Variants in ASTN2 observed in about 807,000 individuals in gnomAD.
ASTN2 encodes the protein astrotactin 2.
Under a neutral mutation model 139.8 loss-of-function variants are expected in ASTN2, and 54 were observed. The observed-to-expected ratio is 0.39, with a 90% CI of 0.31 to 0.48. The LOEUF is 0.48. ASTN2 is among the 20% of genes least tolerant of loss of function. The probability of loss-of-function intolerance (pLI) is 0.95; values close to 1 mark genes in which losing one functional copy is unlikely to be tolerated. For synonymous variants in ASTN2, 756 were observed against 719.5 expected (o/e 1.05, Z -0.81); for missense variants, 1,565 against 1,725.1 (o/e 0.91, Z 1.64).
intron 1 of ASTN2, among the ~76,000 whole-genome samples, chr9:117,358,448 CT>C (rs1467792849): frequency 6.6e-6 from 1 of 152,132 alleles, no homozygotes; most frequent in African/African-American, 2.4e-5. Flanking sequence ...AGGTTGCAAA[CT>C]CTGATTTTGG....
intron 19 of ASTN2, among the ~76,000 whole-genome samples, chr9:116,494,426 A>G (rs1343098528): frequency 1.3e-5 from 2 of 152,112 alleles, no homozygotes; most frequent in South Asian, 2.1e-4. Flanking sequence ...AATTTGTCTG[A>G]TGGCAAAATT....
intron 10 of ASTN2, among the ~76,000 whole-genome samples, chr9:116,950,766 T>A (rs1835534608): frequency 6.6e-6 from 1 of 152,258 alleles, no homozygotes; most frequent in Middle Eastern, 3.4e-3. Context: ...GTTACTAATA[T>A]GTAAGTACCC....
chr9:116,847,296 A>G (rs1450947769), intron 11 of ASTN2, among the ~76,000 whole-genome samples: 2 of 152,044 alleles, frequency 1.3e-5, no homozygotes, highest in East Asian at 3.9e-4. Flanking sequence ...TTGTATTTTT[A>G]GTAGAGACGG....
At chr9:116,684,763 T>C (rs145923919) in intron 16 of ASTN2, among the ~76,000 whole-genome samples, 12 of 152,288 alleles carry the variant, frequency 7.9e-5, no homozygotes, top group African/African-American at 2.4e-4. Context: ...CCCATCTTCA[T>C]ACCCTACACT....
intron 19 of ASTN2, among the ~76,000 whole-genome samples, chr9:116,560,673 C>T (rs548561163): frequency 1.3e-5 from 2 of 152,262 alleles, no homozygotes; most frequent in South Asian, 2.1e-4. Context: ...ACTGCAAGTG[C>T]CATGTGGTCA....
intron 16 of ASTN2, among the ~76,000 whole-genome samples, chr9:116,712,530 A>G (rs1053865096): frequency 6.6e-6 from 1 of 152,192 alleles, no homozygotes; most frequent in Non-Finnish European, 1.5e-5. Flanking sequence ...ATGTTGACAT[A>G]TGTGAGCACT....
chr9:116,439,369 T>G (rs1395550466), intron 22 of ASTN2, among the ~76,000 whole-genome samples: 5 of 144,112 alleles, frequency 3.5e-5, no homozygotes. Context: ...CCCGGCTAAT[T>G]TTTTGTATTT....
intron 11 of ASTN2, among the ~76,000 whole-genome samples, chr9:116,843,154 G>A (rs976467192): frequency 2.0e-5 from 3 of 151,938 alleles, no homozygotes; most frequent in South Asian, 2.1e-4. Context: ...GTTCATTGTT[G>A]CCCTATTCAC....
In ASTN2 at chr9:117,297,933, A is replaced by G. The variant is rs565711567; in HGVS notation, c.443-6420T>C. On this transcript the variant is annotated intron_variant, in intron 1 of 22. Coordinates refer to ENST00000313400, the MANE Select transcript of ASTN2 (RefSeq NM_001365068.1). ...CAAGAATGCTTAAATGAAACAAATC[A>G]TATAAGTCAGCCTTCCTGGGTGCAC... 1.1e-4 allele frequency among the ~76,000 whole-genome samples: 17 copies of G among 152,350 alleles called. No individual in the cohort carries two copies. In the South Asian group the frequency reaches 3.3e-3, roughly 30 times the overall value.
In ASTN2 at chr9:116,763,543, A is replaced by G. The variant is rs1030780186; in HGVS notation, c.2397-30020T>C. On this transcript the variant is annotated intron_variant, in intron 13 of 22. Coordinates refer to ENST00000313400, the MANE Select transcript of ASTN2 (RefSeq NM_001365068.1). ...AGGCAAGAGAATACCTATGGAGGGT[A>G]TTCTATGGAGGGTGATATGCTGGGA... is the stretch of plus-strand genomic sequence containing the variant. Among the ~76,000 whole-genome samples the G allele has an allele frequency of 5.3e-5, 8 of 152,136 alleles. No homozygotes were observed. In the East Asian group the frequency reaches 1.4e-3, roughly 26 times the overall value.
At chr9:116,594,053 G>A (rs548616843) in intron 19 of ASTN2, among the ~76,000 whole-genome samples, 2 of 152,264 alleles carry the variant, frequency 1.3e-5, no homozygotes, top group South Asian at 2.1e-4. Context: ...CAATGATGCC[G>A]TGGGACCTCT....
At chr9:116,478,150 G>C (rs77006467) in intron 20 of ASTN2, among the ~76,000 whole-genome samples, 4,342 of 135,024 alleles carry the variant, frequency 0.032, 268 homozygotes, top group African/African-American at 0.12. Flanking sequence ...GAGGGATACA[G>C]GAAGGAAGGG....
chr9:117,331,209 G>C (rs1371048598), intron 1 of ASTN2, among the ~76,000 whole-genome samples: 1 of 152,182 alleles, frequency 6.6e-6, no homozygotes, highest in Non-Finnish European at 1.5e-5. Context: ...TGATGGTCAA[G>C]CTGAAGTGTG....
At chr9:117,286,692 G>C (rs1028863322) in intron 2 of ASTN2, among the ~76,000 whole-genome samples, 1 of 152,148 alleles carries the variant, frequency 6.6e-6, no homozygotes, top group Non-Finnish European at 1.5e-5. Context: ...AAATCACTCA[G>C]CCTGCTTTGG....
intron 16 of ASTN2, among the ~76,000 whole-genome samples, chr9:116,701,764 A>T (rs908130248): frequency 5.3e-5 from 8 of 151,680 alleles, no homozygotes; most frequent in African/African-American, 1.9e-4. Context: ...TTCCCCTTTG[A>T]TGTGAATATT....
chr9:116,857,353 A>C (rs571466392), intron 11 of ASTN2, among the ~76,000 whole-genome samples: 2 of 152,260 alleles, frequency 1.3e-5, no homozygotes, highest in East Asian at 3.9e-4. Flanking sequence ...ATTCACACCA[A>C]TCCTCTTAGA....
intron 2 of ASTN2, among the ~76,000 whole-genome samples, chr9:117,242,639 C>G (rs576629051): frequency 6.6e-6 from 1 of 152,324 alleles, no homozygotes; most frequent in African/African-American, 2.4e-5. Flanking sequence ...TGCTACCAGT[C>G]TATTCTCAAG....
intron 1 of ASTN2, among the ~76,000 whole-genome samples, chr9:117,404,838 A>G (rs116952574): frequency 6.6e-6 from 1 of 152,100 alleles, no homozygotes; most frequent in East Asian, 1.9e-4. Flanking sequence ...AGTTGGGAGG[A>G]AGGAAGAAAA....
At chr9:116,565,693 G>A (rs1407311245) in intron 19 of ASTN2, among the ~76,000 whole-genome samples, 1 of 151,716 alleles carries the variant, frequency 6.6e-6, no homozygotes, top group East Asian at 1.9e-4. Context: ...ATGTTGTCCA[G>A]GCTGGTCTTG....
Sources: allele counts gnomAD v4.1 joint callset (sites outside exome capture counted in the v4.1 genomes callset), GRCh38; gene constraint gnomAD v4.1.1; transcripts MANE v1.5; gene names NCBI Gene and HGNC (gene_info 2026-07-23, HGNC 2026-07-21).